Variants in SKI observed in about 807,000 individuals in gnomAD.
The protein encoded by SKI is ski oncogene.
SKI carries 23 observed loss-of-function variants against 59.3 expected under a neutral mutation model. That is an observed-to-expected ratio of 0.39 (90% confidence interval 0.28 to 0.55). SKI has a LOEUF of 0.55. Among genes scored for constraint, SKI ranks in the 20% least tolerant of loss-of-function variants. The pLI, the probability that SKI is intolerant of heterozygous loss-of-function variation, is 0.67. For missense variants in SKI, 1,017 were observed against 1,038.9 expected, an observed-to-expected ratio of 0.98 and a Z score of 0.29; for synonymous variants, 673 against 488.6, an observed-to-expected ratio of 1.38 and a Z score of -4.98.
At chr1:2,271,612 T>C (rs1463786149) in intron 1 of SKI, among the ~76,000 whole-genome samples, 1 of 151,766 alleles carries the variant, frequency 6.6e-6, no homozygotes, top group African/African-American at 2.4e-5. Context: ...GCTACGCTGC[T>C]CTCGCCCCTC....
At position 2,306,564 on chromosome 1, in the gene SKI, G is replaced by T. The variant is rs889511670; in HGVS notation, c.1999-13G>T. The T allele has an allele frequency of 6.5e-7, 1 of 1,540,176 alleles. No homozygotes were observed. On this transcript the variant is annotated splice_polypyrimidine_tract_variant and intron_variant, in intron 6 of 6. Coordinates refer to ENST00000378536, the MANE Select transcript of SKI (RefSeq NM_003036.4). ...AGCGAGCAGGCGCCGCTGACCACTCGGCTCCCTTTCAGATCGAAGACCTGC... is the reference window on the plus strand; with the variant it reads ...AGCGAGCAGGCGCCGCTGACCACTCTGCTCCCTTTCAGATCGAAGACCTGC...
chr1:2,282,428 A>G lies in SKI; in HGVS notation c.970-20550A>G, dbSNP rs12116660. The stretch of plus-strand genomic sequence containing the variant: ...ATCTTCAGAGAGAGGATGCCCGAGA[A>G]GACAGGCGGTGGCGGAGATCTTCAG... On this transcript the variant is annotated intron_variant, in intron 1 of 6. Transcript: ENST00000378536. Among the ~76,000 whole-genome samples the G allele has an allele frequency of 2.7e-3, 213 of 77,960 alleles. 8 individuals carry two copies. Among genetic ancestry groups the G allele is most frequent in the African/African-American group, 4.2e-3 (83 of 19,860 alleles). The allele number at this position is 77,960 out of a possible 152,430, so 51.1% of individuals were successfully genotyped here. A position where few individuals can be genotyped will look rare whatever the true frequency, so the allele number is the denominator to read the frequency against.
chr1:2,296,386 A>T (rs1640284826), intron 1 of SKI, among the ~76,000 whole-genome samples: 1 of 151,944 alleles, frequency 6.6e-6, no homozygotes, highest in Admixed American at 6.6e-5. Flanking sequence ...ACAGAGCAAG[A>T]CTCCGTCTCA....
rs2100791388 is a variant in SKI at position 2,229,780 on chromosome 1, T to G, written c.969+45T>G. 1.3e-6 allele frequency: 2 copies of G among 1,549,388 alleles called. No individual in the cohort carries two copies. Among genetic ancestry groups the G allele is most frequent in the African/African-American group, 2.7e-5 (2 of 73,062 alleles). On this transcript the variant is annotated intron_variant, in intron 1 of 6. Transcript: ENST00000378536. The surrounding 1 kb of genome is among the most constrained non-coding windows in gnomAD (Gnocchi z 6.3). ...GGAGCTGGGGAGGATGCGCTTGGGG[T>G]GGGGGCCCCTTCTGGACTACAGGCT...
chr1:2,280,257 C>T (rs1458193108), intron 1 of SKI, among the ~76,000 whole-genome samples: 1 of 151,666 alleles, frequency 6.6e-6, no homozygotes, highest in Admixed American at 6.6e-5. Flanking sequence ...TGCCTGTAGT[C>T]CCCAGCTACT....
chr1:2,285,566 G>GT (rs779830982), intron 1 of SKI, among the ~76,000 whole-genome samples: 6 of 137,040 alleles, frequency 4.4e-5, no homozygotes, highest in African/African-American at 1.8e-4. Context: ...TTGTTTTGTT[G>GT]TTTTTGTTTT....
Position 2,269,044 on chromosome 1 carries a change from A to G in SKI, c.970-33934A>G, listed in dbSNP as rs1014207172. The stretch of plus-strand genomic sequence containing the variant: ...TTGCGGCCTCAACCTTGTTGGTTCA[A>G]GTGATCCTCCCACCTCAGCCTCATG... On this transcript the variant is annotated intron_variant, in intron 1 of 6. Coordinates refer to ENST00000378536, the MANE Select transcript of SKI (RefSeq NM_003036.4). The surrounding 1 kb of genome is among the most constrained non-coding windows in gnomAD (Gnocchi z 4.7). Among the ~76,000 whole-genome samples, 3 of 152,104 alleles carry G rather than the reference A, an allele frequency of 2.0e-5. No homozygotes were observed. Among genetic ancestry groups the G allele is most frequent in the Non-Finnish European group, 2.9e-5 (2 of 68,014 alleles).
At chr1:2,256,864 G>A (rs1326117833) in intron 1 of SKI, among the ~76,000 whole-genome samples, 9 of 152,290 alleles carry the variant, frequency 5.9e-5, no homozygotes, top group African/African-American at 2.2e-4. Context: ...GCCCTGTGTT[G>A]GGCGCCTATT....
chr1:2,248,995 C>A (rs1226961681), intron 1 of SKI, among the ~76,000 whole-genome samples: 1 of 152,238 alleles, frequency 6.6e-6, no homozygotes, highest in Non-Finnish European at 1.5e-5. Flanking sequence ...GTGCCCACAG[C>A]CAGCCAGCCT....
In SKI at chr1:2,309,136, G is replaced by A. The variant is rs1489050034; in HGVS notation, c.*2371G>A. 6.6e-6 allele frequency: 1 copy of A among 152,324 alleles called. No individual in the cohort carries two copies. Among genetic ancestry groups the A allele is most frequent in the Non-Finnish European group, 1.5e-5 (1 of 68,146 alleles). The allele number at this position is 152,324 out of a possible 1,614,324, so 9.4% of individuals were successfully genotyped here. On this transcript the variant is annotated 3_prime_UTR_variant, in exon 7 of 7. Transcript: ENST00000378536. ...CCTGAGGGGGCAGCTGTGGCTGCAG[G>A]GCTGCTCTGGACTGAGGGGTCCCAG...
intron 1 of SKI, among the ~76,000 whole-genome samples, chr1:2,236,666 A>G (rs1049019453): frequency 6.6e-6 from 1 of 152,068 alleles, no homozygotes. Context: ...CGGCCTCCCA[A>G]AGTGTTGGGA....
At position 2,267,581 on chromosome 1, in the gene SKI, T is replaced by C. The variant is rs1639526989; in HGVS notation, c.970-35397T>C. ...TGAGGGCACTGAGGGAGTGGGGCAT[T>C]AGGGGCCACGTGGTCAGCACTGCAC... is the stretch of plus-strand genomic sequence containing the variant. On this transcript the variant is annotated intron_variant, in intron 1 of 6. Transcript: ENST00000378536. This position sits in a 1 kb window ranked among gnomAD's most constrained non-coding sequence, Gnocchi z 4.1. 6.6e-6 allele frequency among the ~76,000 whole-genome samples: 1 copy of C among 152,078 alleles called. No individual in the cohort carries two copies.
intron 1 of SKI, among the ~76,000 whole-genome samples, chr1:2,245,565 T>C (rs1354793166): frequency 6.6e-6 from 1 of 150,488 alleles, no homozygotes; most frequent in Non-Finnish European, 1.5e-5. Context: ...CTCCACCTCC[T>C]CCTGGGCTCA....
intron 6 of SKI, 67 bp downstream of exon 6, chr1:2,306,317 C>G: frequency 7.3e-6 from 10 of 1,371,872 alleles, no homozygotes; most frequent in Non-Finnish European, 9.8e-6. Context: ...CCCCGGTGGC[C>G]AGTCCTGCCC....
chr1:2,277,942 C>G (rs751012903), intron 1 of SKI, among the ~76,000 whole-genome samples: 1 of 151,854 alleles, frequency 6.6e-6, no homozygotes, highest in African/African-American at 2.4e-5. Flanking sequence ...CACACATGCA[C>G]CAGCACCCGT....
intron 1 of SKI, among the ~76,000 whole-genome samples, chr1:2,299,743 C>T (rs542614140): frequency 1.3e-5 from 2 of 152,312 alleles, no homozygotes; most frequent in South Asian, 2.1e-4. Context: ...CAGCGTTTCG[C>T]CCTGAGCATC....
rs914493557 is a variant in SKI, at chr1:2,267,020, A to G, written c.970-35958A>G. ...CTGAATTGTGCTGACTGGCACATCC[A>G]TTGTGAGCGGATGTGTTTTCCTTCT... On this transcript the variant is annotated intron_variant, in intron 1 of 6. Coordinates refer to ENST00000378536, the MANE Select transcript of SKI (RefSeq NM_003036.4). This position sits in a 1 kb window ranked among gnomAD's most constrained non-coding sequence, Gnocchi z 4.1. Among the ~76,000 whole-genome samples, 3 of 152,146 alleles carry G rather than the reference A, an allele frequency of 2.0e-5. No homozygotes were observed. The highest frequency in any genetic ancestry group is 2.9e-5 in the Non-Finnish European group (2 of 68,036).
chr1:2,273,395 C>A (rs1205934254), intron 1 of SKI, among the ~76,000 whole-genome samples: 1 of 152,154 alleles, frequency 6.6e-6, no homozygotes, highest in Non-Finnish European at 1.5e-5. Context: ...GGGTGGCATT[C>A]CTCCCACAGT....
intron 1 of SKI, among the ~76,000 whole-genome samples, chr1:2,284,823 C>T (rs538851082): frequency 6.6e-6 from 1 of 152,124 alleles, no homozygotes; most frequent in Non-Finnish European, 1.5e-5. Flanking sequence ...TGCTGGGGGC[C>T]CCGGTGGCTG....
Sources: gnomAD v4.1 joint callset for allele counts (sites outside exome capture counted in the v4.1 genomes callset) on GRCh38, gnomAD v4.1.1 for gene constraint, Gnocchi (gnomAD v3.1) non-coding constraint, MANE v1.5 for transcripts, NCBI Gene and HGNC (gene_info 2026-07-23, HGNC 2026-07-21) for gene names.